The following TPRG1 variants were observed in gnomAD, a reference collection of about 807,000 sequenced individuals.
TPRG1 encodes tumor protein p63 regulated 1.
Under a neutral mutation model 29.3 loss-of-function variants are expected in TPRG1, and 29 were observed. The ratio of observed to expected loss-of-function variants is 0.99; its 90% confidence interval spans 0.74 to 1.35. TPRG1 has a LOEUF of 1.35. Among genes scored for constraint, TPRG1 ranks in the 40% most tolerant of loss-of-function variants. TPRG1 has a pLI of 0.00. For synonymous variants in TPRG1, 130 were observed against 116.8 expected (o/e 1.11, Z -0.73); for missense variants, 327 against 335.0 (o/e 0.98, Z 0.19).
chr3:189,063,702 AC>A (rs754514597), intron 4 of TPRG1, among the ~76,000 whole-genome samples: 1 of 152,180 alleles, frequency 6.6e-6, no homozygotes, highest in African/African-American at 2.4e-5. Context: ...TAATACATAT[AC>A]AAAACCAAAT....
chr3:189,188,458 T>C (rs1578731183), intron 1 of TPRG1, among the ~76,000 whole-genome samples: 1 of 152,214 alleles, frequency 6.6e-6, no homozygotes, highest in African/African-American at 2.4e-5. Flanking sequence ...GAATCACTCG[T>C]CTGGATAGCC....
chr3:189,200,034 T>G (rs1733205040), intron 1 of TPRG1, among the ~76,000 whole-genome samples: 1 of 152,204 alleles, frequency 6.6e-6, no homozygotes, highest in African/African-American at 2.4e-5. Context: ...AGGGTCACTC[T>G]GAGGGGACGG....
chr3:189,108,786 T>G (rs1720128726), intron 1 of TPRG1, among the ~76,000 whole-genome samples: 1 of 152,146 alleles, frequency 6.6e-6, no homozygotes, highest in Non-Finnish European at 1.5e-5. Context: ...TCTATCTTCC[T>G]GTAAAAGAGA....
chr3:189,147,343 G>A (rs1167981469), intron 3 of TPRG1, among the ~76,000 whole-genome samples: 1 of 152,234 alleles, frequency 6.6e-6, no homozygotes, highest in East Asian at 1.9e-4. Flanking sequence ...GGTAGGATGA[G>A]TTTAGAGGAC....
chr3:189,225,400 A>G (rs949319028), intron 3 of TPRG1, among the ~76,000 whole-genome samples: 3 of 152,188 alleles, frequency 2.0e-5, no homozygotes, highest in African/African-American at 7.2e-5. Flanking sequence ...TGGCCACTAT[A>G]GGCATTCTAT....
At chr3:189,142,798 T>A (rs1724746603) in intron 3 of TPRG1, among the ~76,000 whole-genome samples, 1 of 152,240 alleles carries the variant, frequency 6.6e-6, no homozygotes, top group African/African-American at 2.4e-5. Context: ...TGAGACTGTT[T>A]AGCCCAGTGC....
chr3:189,097,684 T>C (rs1213415189), upstream of TPRG1, among the ~76,000 whole-genome samples: 4 of 152,244 alleles, frequency 2.6e-5, no homozygotes, highest in Non-Finnish European at 5.9e-5. Flanking sequence ...AAATATGGCC[T>C]GATTTGGGTT....
intron 1 of TPRG1, among the ~76,000 whole-genome samples, chr3:189,195,426 T>A (rs1203194779): frequency 1.3e-5 from 2 of 152,128 alleles, no homozygotes; most frequent in African/African-American, 4.8e-5. Context: ...TAACAGCTGA[T>A]TGTGGCTTGG....
chr3:189,289,177 CT>C (rs1718575125), intron 4 of TPRG1, among the ~76,000 whole-genome samples: 1 of 152,178 alleles, frequency 6.6e-6, no homozygotes, highest in Non-Finnish European at 1.5e-5. Context: ...CATCTTTCCC[CT>C]ATATCTTGCT....
chr3:189,060,631 C>A (rs1455522136), intron 4 of TPRG1, among the ~76,000 whole-genome samples: 4 of 152,112 alleles, frequency 2.6e-5, no homozygotes, highest in African/African-American at 9.7e-5. Context: ...AAATTGTTAA[C>A]ATTCCTATAT....
intron 4 of TPRG1, among the ~76,000 whole-genome samples, chr3:189,061,737 A>T (rs1716118889): frequency 6.6e-6 from 1 of 152,236 alleles, no homozygotes; most frequent in Non-Finnish European, 1.5e-5. Flanking sequence ...CCACAACGAG[A>T]TGCCATCTCA....
Position 189,152,675 on chromosome 3 carries a change from C to T in TPRG1, c.-10+1803C>T, listed in dbSNP as rs895213922. Among the ~76,000 whole-genome samples, 12 of 148,118 alleles carry T rather than the reference C, an allele frequency of 8.1e-5. No individual in the cohort carries two copies. The East Asian group carries it at 1.4e-3, about 17-fold the overall frequency. ...ATTATTAAAAAGTAGGATTGGTACC[C>T]GCCATTATTATTAAAAAGTAGGATT... On this transcript the variant is annotated intron_variant, in intron 5 of 6. Coordinates refer to the TPRG1 transcript ENST00000412373.
chr3:189,169,089 A>T (rs1165045184), upstream of TPRG1, among the ~76,000 whole-genome samples: 1 of 152,230 alleles, frequency 6.6e-6, no homozygotes, highest in African/African-American at 2.4e-5. Context: ...TCCTAACCTA[A>T]ATAAGTAACA....
chr3:189,259,117 C>A (rs1162227342), intron 4 of TPRG1, among the ~76,000 whole-genome samples: 2 of 152,168 alleles, frequency 1.3e-5, no homozygotes, highest in African/African-American at 2.4e-5. Flanking sequence ...AAACCCAGGG[C>A]TCTGGTGGTG....
At chr3:189,185,092 C>T (rs978068065) in intron 1 of TPRG1, among the ~76,000 whole-genome samples, 3 of 152,194 alleles carry the variant, frequency 2.0e-5, no homozygotes, top group African/African-American at 7.2e-5. Flanking sequence ...TTTTCATGTC[C>T]TACACATACA....
At chr3:189,219,461 A>T in intron 3 of TPRG1, 2 of 521,296 alleles carry the variant, frequency 3.8e-6, no homozygotes, top group Non-Finnish European at 5.9e-6. Flanking sequence ...CTATAAAGAC[A>T]GGATAGTGTT....
chr3:189,085,508 A>G (rs748491610), intron 4 of TPRG1, among the ~76,000 whole-genome samples: 2 of 152,012 alleles, frequency 1.3e-5, no homozygotes, highest in Non-Finnish European at 2.9e-5. Flanking sequence ...TGTTGCAGCT[A>G]GACCAATGTT....
intron 4 of TPRG1, among the ~76,000 whole-genome samples, chr3:189,050,677 C>T (rs868667601): frequency 1.3e-5 from 2 of 152,052 alleles, no homozygotes; most frequent in Non-Finnish European, 1.5e-5. Flanking sequence ...GATGCTAAAA[C>T]CCTTAACAAA....
At chr3:189,259,151 G>A (rs1712497750) in intron 4 of TPRG1, among the ~76,000 whole-genome samples, 1 of 152,160 alleles carries the variant, frequency 6.6e-6, no homozygotes, top group Non-Finnish European at 1.5e-5. Context: ...GAATCTCCTG[G>A]TCTGTGGGTT....
Sources: allele counts gnomAD v4.1 joint callset (sites outside exome capture counted in the v4.1 genomes callset), GRCh38; gene constraint gnomAD v4.1.1; transcripts MANE v1.5; gene names NCBI Gene and HGNC (gene_info 2026-07-23, HGNC 2026-07-21).